Variants in RALGAPB observed in about 807,000 individuals in gnomAD.
RALGAPB encodes ral GTPase-activating protein subunit beta.
Under a neutral mutation model 161.1 loss-of-function variants are expected in RALGAPB, and 25 were observed. The observed-to-expected ratio is 0.16, with a 90% CI of 0.11 to 0.22. The LOEUF is 0.22. RALGAPB is among the 10% of genes least tolerant of loss of function. RALGAPB has a pLI of 1.00. For missense variants in RALGAPB, 1,391 were observed against 1,815.2 expected (o/e 0.77, Z 4.25); for synonymous variants, 629 against 626.1 (o/e 1.00, Z -0.07).
chr20:38,554,348 C>A (rs1179402411), intron 22 of RALGAPB, among the ~76,000 whole-genome samples: 1 of 152,032 alleles, frequency 6.6e-6, no homozygotes, highest in Non-Finnish European at 1.5e-5. Flanking sequence ...TAACACAGTA[C>A]CCATATTACA....
intron 17 of RALGAPB, among the ~76,000 whole-genome samples, chr20:38,540,341 G>A (rs989781435): frequency 1.3e-5 from 2 of 152,138 alleles, no homozygotes; most frequent in East Asian, 3.9e-4. Context: ...ATCTATAAAG[G>A]TTGCTTCTAT....
At chr20:38,508,193 C>T (rs1339431742) in intron 5 of RALGAPB, among the ~76,000 whole-genome samples, 2 of 151,534 alleles carry the variant, frequency 1.3e-5, no homozygotes, top group East Asian at 1.9e-4. Flanking sequence ...AAACATATTA[C>T]ATATAAACAT....
intron 18 of RALGAPB, among the ~76,000 whole-genome samples, chr20:38,545,289 G>C (rs1601006104): frequency 6.6e-6 from 1 of 151,992 alleles, no homozygotes. Flanking sequence ...AATAATAATG[G>C]TATATGGGAA....
At chr20:38,476,840 A>G (rs1475049741) in intron 1 of RALGAPB, among the ~76,000 whole-genome samples, 2 of 152,214 alleles carry the variant, frequency 1.3e-5, no homozygotes, top group African/African-American at 2.4e-5. Context: ...AATTGATTGA[A>G]TATTGTACTG....
At position 38,481,320 on chromosome 20, in the gene RALGAPB, G is replaced by A. The variant is rs375552061; in HGVS notation, c.-30-7083G>A. Among the ~76,000 whole-genome samples, 7 of 152,252 alleles carry A rather than the reference G, an allele frequency of 4.6e-5. No homozygotes were observed. The East Asian group carries it at 1.2e-3, about 25-fold the overall frequency. On this transcript the variant is annotated intron_variant, in intron 1 of 29. Coordinates refer to ENST00000262879, the MANE Select transcript of RALGAPB (RefSeq NM_020336.4). The stretch of plus-strand genomic sequence containing the variant: ...GTAGGTATTAGTCTGTTTTCATGCT[G>A]CTGATAAAGACATACCCAAGACTGA...
intron 22 of RALGAPB, 88 bp downstream of exon 22, chr20:38,554,164 C>G: frequency 1.8e-6 from 2 of 1,116,484 alleles, no homozygotes; most frequent in South Asian, 1.6e-5. Context: ...AGGATAGAAG[C>G]GAATTAAAAA....
chr20:38,523,721 T>A (rs1416884750), intron 10 of RALGAPB, among the ~76,000 whole-genome samples: 2 of 152,152 alleles, frequency 1.3e-5, no homozygotes, highest in Non-Finnish European at 2.9e-5. Context: ...TTAAGAAGTG[T>A]TTAAAATCAG....
chr20:38,532,644 TATCAA>T, intron 14 of RALGAPB, 81 bp from the exon 15 acceptor site: 1 of 1,515,132 alleles, frequency 6.6e-7, no homozygotes, highest in South Asian at 1.1e-5. Flanking sequence ...CATTCTGCTT[TATCAA>T]CATGGTTTTT....
intron 20 of RALGAPB, among the ~76,000 whole-genome samples, chr20:38,550,510 T>G (rs900552443): frequency 3.3e-5 from 5 of 152,144 alleles, no homozygotes; most frequent in Non-Finnish European, 7.4e-5. Flanking sequence ...TAAGTTAGCA[T>G]TGAAGACTGA....
chr20:38,556,352 A>G (rs914549132), intron 22 of RALGAPB, among the ~76,000 whole-genome samples: 1 of 152,168 alleles, frequency 6.6e-6, no homozygotes, highest in Admixed American at 6.5e-5. Context: ...ACTACAGTAC[A>G]GTATAAAAAT....
chr20:38,561,445 G>T (rs2087783217), intron 23 of RALGAPB, among the ~76,000 whole-genome samples: 1 of 152,236 alleles, frequency 6.6e-6, no homozygotes, highest in Non-Finnish European at 1.5e-5. Flanking sequence ...GCCTCTGTAT[G>T]ATCTTGGTAT....
chr20:38,537,654 A>G (rs1483285345), intron 16 of RALGAPB: 3 of 152,186 alleles, frequency 2.0e-5, no homozygotes, highest in Admixed American at 2.0e-4. Context: ...CTGGGAGGAA[A>G]TGTTTATAAA....
At chr20:38,551,288 T>C (rs535835536) in intron 21 of RALGAPB, 65 bp downstream of exon 21, 3 of 1,531,526 alleles carry the variant, frequency 2.0e-6, no homozygotes, top group South Asian at 1.2e-5. Context: ...ACTTCCTTGG[T>C]CAAGACAATG....
At chr20:38,564,847 TTCTC>T (rs1191027779) in intron 24 of RALGAPB, among the ~76,000 whole-genome samples, 1 of 151,864 alleles carries the variant, frequency 6.6e-6, no homozygotes, top group East Asian at 1.9e-4. Flanking sequence ...CTCTCTCTTC[TTCTC>T]TCTCTCTGTC....
Position 38,524,949 on chromosome 20 carries a change from A to G in RALGAPB, c.1787+4A>G. On this transcript the variant is annotated splice_donor_region_variant and intron_variant, in intron 11 of 29. Transcript: ENST00000262879. ...TTGAAACCATTTTGCCTGACAGGTA[A>G]GCTATCATTCTCTGCTATTATATCA... The G allele has an allele frequency of 6.3e-7, 1 of 1,599,022 alleles. No individual in the cohort carries two copies. Among genetic ancestry groups the G allele is most frequent in the Non-Finnish European group, 8.6e-7 (1 of 1,166,366 alleles).
At chr20:38,523,012 G>A (rs2123125984) in intron 10 of RALGAPB, among the ~76,000 whole-genome samples, 1 of 152,226 alleles carries the variant, frequency 6.6e-6, no homozygotes, top group South Asian at 2.1e-4. Flanking sequence ...TCATTAGCCG[G>A]GCATGATGGC....
At chr20:38,493,285 A>T (rs2122895949) in intron 3 of RALGAPB, among the ~76,000 whole-genome samples, 153 bp downstream of exon 3, 1 of 152,262 alleles carries the variant, frequency 6.6e-6, no homozygotes, top group East Asian at 1.9e-4. Context: ...ATGTTAGGAG[A>T]GATGGGCTTA....
chr20:38,473,787 A>T (rs1244656587), intron 1 of RALGAPB, among the ~76,000 whole-genome samples: 1 of 152,236 alleles, frequency 6.6e-6, no homozygotes, highest in Non-Finnish European at 1.5e-5. Flanking sequence ...CCCATGTGGC[A>T]TCCCAGACCA....
At chr20:38,477,987 T>C (rs1176907480) in intron 1 of RALGAPB, among the ~76,000 whole-genome samples, 1 of 152,116 alleles carries the variant, frequency 6.6e-6, no homozygotes, top group Admixed American at 6.5e-5. Context: ...TAGCGGCGCA[T>C]GGTGACACAC....
Sources: allele counts gnomAD v4.1 joint callset (sites outside exome capture counted in the v4.1 genomes callset), GRCh38; gene constraint gnomAD v4.1.1; transcripts MANE v1.5; gene names NCBI Gene and HGNC (gene_info 2026-07-23, HGNC 2026-07-21).